RYR3: variants seen among roughly 807,000 people sequenced by gnomAD.
RYR3 encodes brain ryanodine receptor-calcium release channel.
In RYR3, 207 loss-of-function variants were observed where a neutral mutation model predicts 584.3. That is an observed-to-expected ratio of 0.35 (90% CI 0.32 to 0.40). The LOEUF is 0.40. RYR3 is among the 10% of genes least tolerant of loss of function. The pLI, the probability that RYR3 is intolerant of heterozygous loss-of-function variation, is 1.00. For synonymous variants in RYR3, 2,416 were observed against 2,248.5 expected, an observed-to-expected ratio of 1.07 and a Z score of -2.11; for missense variants, 5,616 against 6,089.2, an observed-to-expected ratio of 0.92 and a Z score of 2.59.
chr15:33,460,805 C>T (rs1304131326), intron 1 of RYR3, among the ~76,000 whole-genome samples: 1 of 151,956 alleles, frequency 6.6e-6, no homozygotes, highest in Non-Finnish European at 1.5e-5. Flanking sequence ...CCAGTGCCTG[C>T]AGGAGTCTTG....
chr15:33,722,608 G>C, intron 43 of RYR3, 107 bp from the exon 44 acceptor site: 12 of 1,098,230 alleles, frequency 1.1e-5, no homozygotes, highest in Non-Finnish European at 1.6e-5. Flanking sequence ...CAAAAACAGA[G>C]TAGGTGATAA....
At chr15:33,504,160 A>T (rs569347242) in intron 3 of RYR3, among the ~76,000 whole-genome samples, 1 of 152,290 alleles carries the variant, frequency 6.6e-6, no homozygotes, top group Non-Finnish European at 1.5e-5. Flanking sequence ...TTCAAACATG[A>T]TTTCCTACAG....
chr15:33,624,795 C>T (rs2060900511), intron 20 of RYR3, among the ~76,000 whole-genome samples: 1 of 152,178 alleles, frequency 6.6e-6, no homozygotes, highest in African/African-American at 2.4e-5. Context: ...AATCACTATT[C>T]TAGGTGTTAT....
rs189787907 is a variant in RYR3, at chr15:33,479,661, T to G, written c.171+6123T>G. Reference sequence around the variant, plus strand: ...GAGTTAAGTGACTTCATGAAGATTGTTCATTCCAAACCTGAATCACTGTCT... The same window carrying G: ...GAGTTAAGTGACTTCATGAAGATTGGTCATTCCAAACCTGAATCACTGTCT... On this transcript the variant is annotated intron_variant, in intron 2 of 103. Coordinates refer to ENST00000634891, the MANE Select transcript of RYR3 (RefSeq NM_001036.6). 3.8e-3 allele frequency among the ~76,000 whole-genome samples: 572 copies of G among 152,238 alleles called. 1 individual carries two copies. Among genetic ancestry groups the G allele is most frequent in the Non-Finnish European group, 5.8e-3 (394 of 68,002 alleles).
At chr15:33,560,722 A>G (rs74934097) in intron 10 of RYR3, among the ~76,000 whole-genome samples, 3,449 of 152,348 alleles carry the variant, frequency 0.023, 53 homozygotes, top group Non-Finnish European at 0.036. Flanking sequence ...TTCTGCAGTG[A>G]AAATCAAGTA....
intron 3 of RYR3, among the ~76,000 whole-genome samples, chr15:33,517,054 G>A (rs889296495): frequency 6.6e-5 from 10 of 152,062 alleles, no homozygotes; most frequent in African/African-American, 2.4e-4. Context: ...GTGTGCAGTG[G>A]CACAATCTTG....
intron 2 of RYR3, among the ~76,000 whole-genome samples, chr15:33,493,902 GAGA>G (rs748690124): frequency 1.2e-4 from 19 of 152,066 alleles, no homozygotes; most frequent in Non-Finnish European, 2.5e-4. Context: ...AGGCAACAGA[GAGA>G]GACCTTGTCT....
At chr15:33,452,479 T>C (rs925367406) in intron 1 of RYR3, among the ~76,000 whole-genome samples, 6 of 152,230 alleles carry the variant, frequency 3.9e-5, no homozygotes, top group Non-Finnish European at 7.3e-5. Context: ...AGACTACTTA[T>C]TTCTATTATT....
chr15:33,514,781 C>G (rs1306168268), intron 3 of RYR3, among the ~76,000 whole-genome samples: 1 of 151,972 alleles, frequency 6.6e-6, no homozygotes, highest in Non-Finnish European at 1.5e-5. Flanking sequence ...ATAGGCAGAT[C>G]ACGAGGTCAG....
intron 11 of RYR3, 146 bp from the exon 12 acceptor site, chr15:33,566,532 G>A (rs74562855): frequency 0.026 from 21,413 of 810,762 alleles, 379 homozygotes; most frequent in Non-Finnish European, 0.035. Flanking sequence ...CAATAGCTTC[G>A]CTAATGTCCC....
At chr15:33,685,648 A>G (rs1048122554) in intron 38 of RYR3, among the ~76,000 whole-genome samples, 1 of 152,248 alleles carries the variant, frequency 6.6e-6, no homozygotes, top group Non-Finnish European at 1.5e-5. Flanking sequence ...CATTCTTCTC[A>G]GCACCACATT....
intron 3 of RYR3, among the ~76,000 whole-genome samples, chr15:33,518,408 G>T (rs2053699365): frequency 6.6e-6 from 1 of 152,116 alleles, no homozygotes; most frequent in Non-Finnish European, 1.5e-5. Flanking sequence ...TAATTTTGTG[G>T]AGTTGTTTTT....
intron 12 of RYR3, among the ~76,000 whole-genome samples, chr15:33,578,838 T>A (rs2152511145): frequency 6.6e-6 from 1 of 151,408 alleles, no homozygotes; most frequent in African/African-American, 2.4e-5. Flanking sequence ...TCTCAATCAC[T>A]CAGGGCCTTA....
At chr15:33,377,145 G>A (rs1567124150) in intron 1 of RYR3, among the ~76,000 whole-genome samples, 1 of 152,206 alleles carries the variant, frequency 6.6e-6, no homozygotes, top group Non-Finnish European at 1.5e-5. Context: ...AATACCTGAA[G>A]TAAATTGGGT....
chr15:33,379,687 C>CTCTCTCTATATATA, intron 1 of RYR3, among the ~76,000 whole-genome samples: 8 of 125,500 alleles, frequency 6.4e-5, no homozygotes, highest in African/African-American at 2.5e-4. Flanking sequence ...CTCTCTCTCT[C>CTCTCTCTATATATA]TATATATATA....
chr15:33,812,824 A>G (rs770700862), intron 72 of RYR3, 39 bp from the exon 73 acceptor site: 5 of 1,605,272 alleles, frequency 3.1e-6, no homozygotes, highest in Admixed American at 1.7e-5. Context: ...TAAGAAGTAC[A>G]GGAAATTCCT....
intron 16 of RYR3, among the ~76,000 whole-genome samples, chr15:33,598,377 AGCTCCTTTAAAAAAGTTTT>A (rs898632584): frequency 4.6e-5 from 7 of 151,590 alleles, no homozygotes; most frequent in African/African-American, 1.7e-4. Flanking sequence ...TTAACCATTG[AGCTCCTTTAAAAAAGTTTT>A]TTTTTAAATC....
intron 1 of RYR3, among the ~76,000 whole-genome samples, chr15:33,342,432 C>G (rs1463182209): frequency 6.6e-6 from 1 of 152,180 alleles, no homozygotes; most frequent in African/African-American, 2.4e-5. Context: ...GTTTCCTGAT[C>G]ACAGCCCTTG....
intron 28 of RYR3, 78 bp downstream of exon 28, chr15:33,644,597 C>A (rs1000494580): frequency 1.2e-5 from 13 of 1,060,220 alleles, no homozygotes; most frequent in Non-Finnish European, 1.7e-5. Flanking sequence ...CTCCTGTCAA[C>A]AGGCAGCTGC....
Sources: gnomAD v4.1 joint callset for allele counts (sites outside exome capture counted in the v4.1 genomes callset) on GRCh38, gnomAD v4.1.1 for gene constraint, MANE v1.5 for transcripts, NCBI Gene and HGNC (gene_info 2026-07-23, HGNC 2026-07-21) for gene names.